Variants in NALF1 observed in about 807,000 individuals in gnomAD.
NALF1 encodes the protein family with sequence similarity 155 member A.
A neutral mutation model predicts 48.4 loss-of-function variants in NALF1; 3 were observed. The ratio of observed to expected loss-of-function variants is 0.06; its 90% CI spans 0.03 to 0.16. NALF1 has a LOEUF of 0.16. Among genes scored for constraint, NALF1 ranks in the 10% least tolerant of loss-of-function variants. NALF1 has a pLI of 1.00. For missense variants in NALF1, 526 were observed against 571.5 expected, an observed-to-expected ratio of 0.92 and a Z score of 0.81; for synonymous variants, 262 against 245.7, an observed-to-expected ratio of 1.07 and a Z score of -0.62.
rs78597629 is a variant in NALF1 at position 107,312,891 on chromosome 13, C to G, written c.916-102136G>C. Among the ~76,000 whole-genome samples the G allele has an allele frequency of 1.6e-4, 24 of 152,188 alleles. No homozygotes were observed. The East Asian group carries it at 4.3e-3, about 27-fold the overall frequency. ...AGCTATTTTAGTGCCTTACTCTTAA[C>G]TAAATAATAATAAGTACCACAAGAT... is the stretch of plus-strand genomic sequence containing the variant. On this transcript the variant is annotated intron_variant, in intron 1 of 2. Transcript: ENST00000375915.
intron 1 of NALF1, among the ~76,000 whole-genome samples, chr13:107,284,442 G>A (rs9587342): frequency 0.43 from 65,713 of 151,908 alleles, 14,804 homozygotes; most frequent in South Asian, 0.62. Context: ...TGGCTTAAAT[G>A]TGCTCAAAAA....
intron 1 of NALF1, among the ~76,000 whole-genome samples, chr13:107,662,409 C>G (rs1880755544): frequency 6.6e-6 from 1 of 152,166 alleles, no homozygotes; most frequent in Non-Finnish European, 1.5e-5. Context: ...TTTTATTTAG[C>G]AGACTTTTAA....
At chr13:107,181,105 C>T (rs1233572515) in intron 2 of NALF1, among the ~76,000 whole-genome samples, 1 of 151,382 alleles carries the variant, frequency 6.6e-6, no homozygotes, top group Admixed American at 6.6e-5. Context: ...TTATTTTCAT[C>T]CTTGATTAGA....
At chr13:107,429,561 T>C (rs1303429483) in intron 1 of NALF1, among the ~76,000 whole-genome samples, 5 of 152,204 alleles carry the variant, frequency 3.3e-5, no homozygotes, top group Non-Finnish European at 7.3e-5. Flanking sequence ...GTCTCACTAG[T>C]GTTTGATAAA....
chr13:107,292,045 C>T (rs1881631120), intron 1 of NALF1, among the ~76,000 whole-genome samples: 1 of 152,160 alleles, frequency 6.6e-6, no homozygotes, highest in Non-Finnish European at 1.5e-5. Context: ...GTTGGGAATT[C>T]CATCACTGTG....
intron 1 of NALF1, among the ~76,000 whole-genome samples, chr13:107,685,170 C>A (rs1319600850): frequency 6.6e-6 from 1 of 152,072 alleles, no homozygotes; most frequent in African/African-American, 2.4e-5. Flanking sequence ...AAAAATTAGC[C>A]AGGCGTGGTG....
At chr13:107,447,448 T>C (rs1187057497) in intron 1 of NALF1, among the ~76,000 whole-genome samples, 1 of 152,300 alleles carries the variant, frequency 6.6e-6, no homozygotes, top group East Asian at 1.9e-4. Context: ...TCATTTCTTT[T>C]ACTAGGTGAT....
intron 1 of NALF1, among the ~76,000 whole-genome samples, chr13:107,277,501 T>C (rs189052449): frequency 1.3e-5 from 2 of 152,300 alleles, no homozygotes; most frequent in Admixed American, 6.5e-5. Flanking sequence ...TTTTAGGATA[T>C]CTACAGGCCA....
intron 1 of NALF1, among the ~76,000 whole-genome samples, chr13:107,510,796 C>A (rs1045844361): frequency 1.3e-5 from 2 of 152,278 alleles, no homozygotes; most frequent in Admixed American, 1.3e-4. Flanking sequence ...AAAACACAAA[C>A]TTTGTTCATA....
At chr13:107,246,570 C>T (rs1211226504) in intron 1 of NALF1, among the ~76,000 whole-genome samples, 1 of 152,172 alleles carries the variant, frequency 6.6e-6, no homozygotes, top group Non-Finnish European at 1.5e-5. Flanking sequence ...GATATATCCT[C>T]AAAGATGCAG....
chr13:107,468,202 A>G (rs941207649), intron 1 of NALF1, among the ~76,000 whole-genome samples: 14 of 152,242 alleles, frequency 9.2e-5, no homozygotes, highest in Admixed American at 3.3e-4. Flanking sequence ...AATTCACAGA[A>G]GAAAATTGTA....
chr13:107,634,490 T>C (rs577694818), intron 1 of NALF1, among the ~76,000 whole-genome samples: 11 of 152,260 alleles, frequency 7.2e-5, no homozygotes, highest in Non-Finnish European at 1.3e-4. Context: ...AAAATAATTT[T>C]TTTCCAAAAT....
chr13:107,313,945 G>A lies in NALF1; in HGVS notation c.916-103190C>T, dbSNP rs750604771. On this transcript the variant is annotated intron_variant, in intron 1 of 2. Coordinates refer to ENST00000375915, the MANE Select transcript of NALF1 (RefSeq NM_001080396.3). ...GTCCCAAAAACCTTGGGTACATGTTGTCAGGACCTCCTGAGGCTGTATCAG... is the reference window on the plus strand; with the variant it reads ...GTCCCAAAAACCTTGGGTACATGTTATCAGGACCTCCTGAGGCTGTATCAG... Among the ~76,000 whole-genome samples the A allele has an allele frequency of 3.3e-5, 5 of 152,262 alleles. No individual in the cohort carries two copies. The South Asian group carries it at 6.2e-4, about 19-fold the overall frequency.
intron 1 of NALF1, among the ~76,000 whole-genome samples, chr13:107,423,627 G>T (rs1463815046): frequency 6.6e-6 from 1 of 152,096 alleles, no homozygotes; most frequent in Non-Finnish European, 1.5e-5. Context: ...AGAGAAAAAT[G>T]AGGAGACAGA....
chr13:107,668,553 T>C (rs1395166082), intron 1 of NALF1, among the ~76,000 whole-genome samples: 2 of 152,078 alleles, frequency 1.3e-5, no homozygotes, highest in African/African-American at 4.8e-5. Context: ...TAAATCTTCC[T>C]TTGTTTGTTT....
chr13:107,174,302 G>A (rs542043703), intron 2 of NALF1, among the ~76,000 whole-genome samples: 48 of 152,178 alleles, frequency 3.2e-4, no homozygotes, highest in African/African-American at 1.1e-3. Context: ...AGCTGCACGT[G>A]AGATGACATG....
At chr13:107,782,952 C>T (rs1323543216) in intron 1 of NALF1, among the ~76,000 whole-genome samples, 2 of 149,032 alleles carry the variant, frequency 1.3e-5, no homozygotes, top group African/African-American at 2.5e-5. Flanking sequence ...CCAGCCGCCC[C>T]GTCCGGGAGG....
rs139263865 is a variant in NALF1 at position 107,688,677 on chromosome 13, G to C, written c.915+177005C>G. Among the ~76,000 whole-genome samples the C allele has an allele frequency of 2.6e-4, 39 of 152,266 alleles. 1 individual carries two copies. The East Asian group carries it at 4.6e-3, about 18-fold the overall frequency. The stretch of plus-strand genomic sequence containing the variant: ...AGATTTTTCAGGGGAAAACCCACAG[G>C]GGGTGTCAAAGACAGTGTATCTCTG... On this transcript the variant is annotated intron_variant, in intron 1 of 2. Transcript: ENST00000375915.
intron 1 of NALF1, among the ~76,000 whole-genome samples, chr13:107,307,347 A>G (rs935572531): frequency 4.6e-5 from 7 of 152,200 alleles, no homozygotes; most frequent in African/African-American, 1.7e-4. Context: ...GGAAAGTTAT[A>G]GTTTAATTGA....
Sources: allele counts gnomAD v4.1 joint callset (sites outside exome capture counted in the v4.1 genomes callset), GRCh38; gene constraint gnomAD v4.1.1; transcripts MANE v1.5; gene names NCBI Gene and HGNC (gene_info 2026-07-23, HGNC 2026-07-21).